Variants in ZFHX3 observed in about 807,000 individuals in gnomAD.
The protein encoded by ZFHX3 is zinc finger homeobox protein 3.
In ZFHX3, 42 loss-of-function variants were observed where a neutral mutation model predicts 279.1. The observed-to-expected ratio is 0.15, with a 90% CI of 0.12 to 0.19. The LOEUF (loss-of-function observed/expected upper bound fraction) is 0.19. Among genes scored for constraint, ZFHX3 ranks in the 10% least tolerant of loss-of-function variants. The pLI is 1.00. For missense variants in ZFHX3, 4,981 were observed against 4,754.0 expected (o/e 1.05, Z -1.40); for synonymous variants, 2,293 against 1,957.8 (o/e 1.17, Z -4.52).
intron 5 of ZFHX3, among the ~76,000 whole-genome samples, chr16:73,176,715 C>T (rs7184728): frequency 0.12 from 18,791 of 150,656 alleles, 1,200 homozygotes; most frequent in African/African-American, 0.16. Context: ...TGGGAAGGAA[C>T]GTGGCAGTGT....
intron 5 of ZFHX3, among the ~76,000 whole-genome samples, chr16:73,185,088 C>G (rs970397328): frequency 6.6e-6 from 1 of 152,040 alleles, no homozygotes; most frequent in Admixed American, 6.5e-5. Flanking sequence ...AGTGATCCTC[C>G]TGCCTCAGCC....
At position 72,784,948 on chromosome 16, in the gene ZFHX3, T is replaced by A. The variant is rs994427522; in HGVS notation, c.*2216A>T. ...AAAAGAAAAAAAATCCATTTTCAGA[T>A]CTTGGAATGCTCCAGTCTTTTGCAA... On this transcript the variant is annotated 3_prime_UTR_variant, in exon 10 of 10. Transcript: ENST00000268489. 5 of 152,522 alleles carry A rather than the reference T, an allele frequency of 3.3e-5. No individual in the cohort carries two copies. The highest frequency in any genetic ancestry group is 6.5e-5 in the Admixed American group (1 of 15,282). 9.4% of individuals were successfully genotyped at this position (152,522 alleles called of 1,614,324 possible). A position where few individuals can be genotyped will look rare whatever the true frequency, so the allele number is the denominator to read the frequency against.
At chr16:73,380,290 C>T (rs2016798777) in intron 3 of ZFHX3, among the ~76,000 whole-genome samples, 1 of 152,024 alleles carries the variant, frequency 6.6e-6, no homozygotes, top group African/African-American at 2.4e-5. Flanking sequence ...TGGAGGTATC[C>T]ATAGACATCT....
intron 5 of ZFHX3, among the ~76,000 whole-genome samples, chr16:72,826,827 A>G (rs1208960832): frequency 6.6e-6 from 1 of 152,228 alleles, no homozygotes; most frequent in Non-Finnish European, 1.5e-5. Flanking sequence ...TGCATGAGAA[A>G]GTGGAACCTT....
At chr16:73,093,351 C>T (rs554941617) in exon 8 of ZFHX3, 40 of 409,116 alleles carry the variant, frequency 9.8e-5, no homozygotes, top group South Asian at 3.4e-4. Context: ...GGCCAACAGA[C>T]GTCTGAAAGC....
intron 5 of ZFHX3, among the ~76,000 whole-genome samples, chr16:73,165,340 G>T (rs1053841900): frequency 6.6e-6 from 1 of 152,170 alleles, no homozygotes; most frequent in Non-Finnish European, 1.5e-5. Context: ...AGGACTCCAA[G>T]GAGGTCTTGT....
At chr16:73,504,563 AAG>A (rs1251604909) in intron 2 of ZFHX3, 10 of 152,448 alleles carry the variant, frequency 6.6e-5, no homozygotes, top group South Asian at 2.1e-4. Context: ...AAGGGAAATA[AAG>A]AGAGATGACA....
At chr16:73,845,026 A>T (rs1468846604) in intron 1 of ZFHX3, among the ~76,000 whole-genome samples, 1 of 152,100 alleles carries the variant, frequency 6.6e-6, no homozygotes, top group Admixed American at 6.6e-5. Context: ...AAGAAGGAAG[A>T]GGTGGTAGGA....
In ZFHX3 at chr16:73,623,870, T is replaced by G. The variant is rs74459540; in HGVS notation, c.-1547+56310A>C. Among the ~76,000 whole-genome samples the G allele has an allele frequency of 6.8e-3, 1,031 of 152,342 alleles. 10 individuals are homozygous for G. The highest frequency in any genetic ancestry group is 0.022 in the African/African-American group (924 of 41,578). ...GCACTTTATTTCCCCCTTAAAATGATGTACTACAATTACCAAATATTAATG... is the reference window on the plus strand; with the variant it reads ...GCACTTTATTTCCCCCTTAAAATGAGGTACTACAATTACCAAATATTAATG... On this transcript the variant is annotated intron_variant, in intron 2 of 17. Coordinates refer to the ZFHX3 transcript ENST00000641206.
chr16:72,999,253 G>A (rs369572235), intron 1 of ZFHX3, among the ~76,000 whole-genome samples: 1 of 152,232 alleles, frequency 6.6e-6, no homozygotes, highest in African/African-American at 2.4e-5. Flanking sequence ...AGGTTCCCAG[G>A]TTCAAGCAAT....
intron 4 of ZFHX3, among the ~76,000 whole-genome samples, chr16:73,289,136 G>A (rs1477427328): frequency 6.6e-6 from 1 of 151,608 alleles, no homozygotes; most frequent in African/African-American, 2.4e-5. Context: ...TAAAATGGGA[G>A]AGGTCCTCCA....
chr16:73,384,838 C>T (rs1053013020), intron 3 of ZFHX3, among the ~76,000 whole-genome samples: 2 of 152,206 alleles, frequency 1.3e-5, no homozygotes, highest in South Asian at 4.1e-4. Flanking sequence ...TCTCTCTTCC[C>T]ATTTCCATTA....
intron 4 of ZFHX3, among the ~76,000 whole-genome samples, chr16:73,297,963 T>A (rs2014956610): frequency 6.6e-6 from 1 of 151,482 alleles, no homozygotes; most frequent in Non-Finnish European, 1.5e-5. Flanking sequence ...GGGGGGAAGG[T>A]CACTTGAATC....
Position 73,779,223 on chromosome 16 carries a change from G to A in ZFHX3, c.-1607-98983C>T, listed in dbSNP as rs552185468. On this transcript the variant is annotated intron_variant, in intron 1 of 17. Transcript: ENST00000641206. ...CTGGGGGTGATTTTTTTTCTTTATC[G>A]ACTGAGCTCAAATTCATACATTCAA... Among the ~76,000 whole-genome samples the A allele has an allele frequency of 7.2e-5, 11 of 152,120 alleles. No homozygotes were observed. In the East Asian group the frequency reaches 9.6e-4, roughly 13 times the overall value.
chr16:73,318,082 G>T (rs1018369671), intron 4 of ZFHX3, among the ~76,000 whole-genome samples: 2 of 152,216 alleles, frequency 1.3e-5, no homozygotes, highest in African/African-American at 4.8e-5. Context: ...CCTGGTCCTT[G>T]CCAGGTAGAC....
chr16:73,798,941 A>G (rs186636663), intron 1 of ZFHX3, among the ~76,000 whole-genome samples: 294 of 152,334 alleles, frequency 1.9e-3, no homozygotes, highest in African/African-American at 6.6e-3. Flanking sequence ...TCCTGCTAAC[A>G]TTAAATAATC....
intron 3 of ZFHX3, among the ~76,000 whole-genome samples, chr16:72,949,950 G>T (rs1294975102): frequency 7.7e-6 from 1 of 129,784 alleles, no homozygotes; most frequent in Non-Finnish European, 1.6e-5. Flanking sequence ...ATGCACTGAT[G>T]TGAACAAATG....
chr16:73,562,504 G>A (rs2020385608), intron 2 of ZFHX3, among the ~76,000 whole-genome samples: 2 of 151,064 alleles, frequency 1.3e-5, no homozygotes, highest in Admixed American at 1.3e-4. Context: ...GCTGAGGCGG[G>A]AGAATGGCGT....
At position 73,187,468 on chromosome 16, in the gene ZFHX3, T is replaced by G. The variant is rs957842538; in HGVS notation, c.-1103-43637A>C. Among the ~76,000 whole-genome samples, 27 of 152,164 alleles carry G rather than the reference T, an allele frequency of 1.8e-4. 1 individual carries two copies. Among genetic ancestry groups the G allele is most frequent in the Admixed American group, 1.2e-3 (18 of 15,284 alleles). Reference sequence around the variant, plus strand: ...CCTAACTAGCTATTGACATTGAACTTAAAAAAACTGCAATGCCGAGATGAG... The same window carrying G: ...CCTAACTAGCTATTGACATTGAACTGAAAAAAACTGCAATGCCGAGATGAG... On this transcript the variant is annotated intron_variant, in intron 5 of 17. Coordinates refer to the ZFHX3 transcript ENST00000641206.
Sources: allele counts gnomAD v4.1 joint callset (sites outside exome capture counted in the v4.1 genomes callset), GRCh38; gene constraint gnomAD v4.1.1; transcripts MANE v1.5; gene names NCBI Gene and HGNC (gene_info 2026-07-23, HGNC 2026-07-21).